CLASP1: variants seen among roughly 807,000 people sequenced by gnomAD.
The protein encoded by CLASP1 is CLIP-associating protein 1.
In CLASP1, 38 loss-of-function variants were observed where a neutral mutation model predicts 192.3. That is an observed-to-expected ratio of 0.20 (90% confidence interval 0.15 to 0.26). CLASP1 has a LOEUF of 0.26. Ranked by LOEUF, CLASP1 falls within the 10% of genes least tolerant of loss-of-function variation. The probability of loss-of-function intolerance (pLI) is 1.00; values close to 1 mark genes in which losing one functional copy is unlikely to be tolerated. For missense variants in CLASP1, 1,433 were observed against 1,932.5 expected (o/e 0.74, Z 4.85); for synonymous variants, 691 against 712.8 (o/e 0.97, Z 0.49).
chr2:121,547,546 A>C (rs1462496823), intron 2 of CLASP1, among the ~76,000 whole-genome samples: 2 of 151,824 alleles, frequency 1.3e-5, no homozygotes, highest in Non-Finnish European at 2.9e-5. Context: ...CACAACCACT[A>C]CTAAGGTCCC....
At position 121,394,829 on chromosome 2, in the gene CLASP1, G is replaced by A. The variant is rs1051297148; in HGVS notation, c.3123+2311C>T. On this transcript the variant is annotated intron_variant, in intron 30 of 39. Transcript: ENST00000263710. Reference sequence around the variant, plus strand: ...CGGGAGGCGGAGGTTGCAGTGAGCCGAGATCGCGCCACTGCACTCCAGCCT... The same window carrying A: ...CGGGAGGCGGAGGTTGCAGTGAGCCAAGATCGCGCCACTGCACTCCAGCCT... Among the ~76,000 whole-genome samples, 5 of 152,176 alleles carry A rather than the reference G, an allele frequency of 3.3e-5. No homozygotes were observed. The South Asian group carries it at 8.3e-4, about 25-fold the overall frequency.
intron 9 of CLASP1, among the ~76,000 whole-genome samples, chr2:121,463,790 G>A (rs1289909459): frequency 6.6e-6 from 1 of 152,036 alleles, no homozygotes. Flanking sequence ...TTCTGGAAGG[G>A]GTATGGACGC....
Position 121,401,943 on chromosome 2 carries a change from C to T in CLASP1, c.2734-73G>A. ...CATGTTAGTTGGCAGTGAATTAATACCATTTTCATGCGTTTTTTTAAGAAA... is the reference window on the plus strand; with the variant it reads ...CATGTTAGTTGGCAGTGAATTAATATCATTTTCATGCGTTTTTTTAAGAAA... On this transcript the variant is annotated intron_variant, in intron 26 of 39. Coordinates refer to ENST00000263710, the Ensembl canonical transcript of CLASP1. 5.0e-6 allele frequency: 3 copies of T among 595,682 alleles called. No homozygotes were observed. In the Admixed American group the frequency reaches 5.9e-5, roughly 12 times the overall value. 36.9% of individuals were successfully genotyped at this position (595,682 alleles called of 1,614,324 possible).
chr2:121,633,258 C>T (rs1263618949), intron 1 of CLASP1, among the ~76,000 whole-genome samples: 1 of 151,990 alleles, frequency 6.6e-6, no homozygotes, highest in Non-Finnish European at 1.5e-5. Flanking sequence ...CTATAATATA[C>T]TTACATTCAC....
chr2:121,483,315 T>C (rs546972573), intron 8 of CLASP1, among the ~76,000 whole-genome samples: 1 of 152,194 alleles, frequency 6.6e-6, no homozygotes, highest in African/African-American at 2.4e-5. Context: ...ACATCTACAA[T>C]AGCTCAGTAA....
chr2:121,599,628 TC>T (rs2063564791), intron 2 of CLASP1, among the ~76,000 whole-genome samples: 1 of 130,474 alleles, frequency 7.7e-6, no homozygotes, highest in Admixed American at 8.3e-5. Flanking sequence ...GAAGCCAAGG[TC>T]CCAAGGTCAG....
intron 2 of CLASP1, among the ~76,000 whole-genome samples, chr2:121,546,150 G>C (rs1170824885): frequency 6.6e-6 from 1 of 152,084 alleles, no homozygotes; most frequent in Non-Finnish European, 1.5e-5. Flanking sequence ...TTAGCCATGA[G>C]ACTACCTCTC....
At chr2:121,607,774 A>C (rs1228304301) in intron 1 of CLASP1, among the ~76,000 whole-genome samples, 1 of 152,190 alleles carries the variant, frequency 6.6e-6, no homozygotes, top group East Asian at 1.9e-4. Flanking sequence ...TAAAATTCTC[A>C]GTAGAGTAAC....
At chr2:121,489,329 C>A (rs1157417008) in intron 8 of CLASP1, among the ~76,000 whole-genome samples, 1 of 152,158 alleles carries the variant, frequency 6.6e-6, no homozygotes, top group Non-Finnish European at 1.5e-5. Context: ...GTACTTTCAG[C>A]CCAACTTAAC....
At chr2:121,529,322 C>T (rs1333592392) in intron 3 of CLASP1, among the ~76,000 whole-genome samples, 1 of 152,196 alleles carries the variant, frequency 6.6e-6, no homozygotes, top group African/African-American at 2.4e-5. Context: ...GACCAGAGAT[C>T]AGCTTATTTT....
chr2:121,455,302 A>G (rs1248802708), intron 14 of CLASP1, among the ~76,000 whole-genome samples: 2 of 152,214 alleles, frequency 1.3e-5, no homozygotes, highest in South Asian at 2.1e-4. Context: ...ACTACTAGGT[A>G]TATATCCCCA....
chr2:121,418,628 G>A (rs762320678), exon 23 of CLASP1: 5 of 1,612,740 alleles, frequency 3.1e-6, no homozygotes, highest in Non-Finnish European at 4.2e-6. Flanking sequence ...TCACCAAGTG[G>A]AGGAAAGCCC....
intron 26 of CLASP1, chr2:121,402,651 C>G (rs759329749): frequency 1.9e-6 from 1 of 519,018 alleles, no homozygotes; most frequent in African/African-American, 1.9e-5. Context: ...CATTCTGCTT[C>G]TGAATCAGCA....
intron 1 of CLASP1, among the ~76,000 whole-genome samples, chr2:121,632,218 T>C (rs1314194009): frequency 6.6e-6 from 1 of 152,150 alleles, no homozygotes; most frequent in East Asian, 1.9e-4. Context: ...TACTCTAGCC[T>C]GGGCGACAGA....
At chr2:121,560,341 T>C (rs1404774037) in intron 2 of CLASP1, among the ~76,000 whole-genome samples, 1 of 152,226 alleles carries the variant, frequency 6.6e-6, no homozygotes, top group Non-Finnish European at 1.5e-5. Flanking sequence ...AAAACTTACA[T>C]GCAATGTTTG....
intron 19 of CLASP1, among the ~76,000 whole-genome samples, chr2:121,431,318 C>T (rs1360762160): frequency 6.6e-6 from 1 of 151,856 alleles, no homozygotes; most frequent in African/African-American, 2.4e-5. Flanking sequence ...AAAGCTATAC[C>T]ATTTACTAAC....
chr2:121,403,850 T>C, intron 26 of CLASP1: 1 of 456,690 alleles, frequency 2.2e-6, no homozygotes. Flanking sequence ...ACCAGCTAAG[T>C]GATCCCCGTT....
intron 16 of CLASP1, 33 bp downstream of exon 16, chr2:121,450,880 T>C: frequency 1.4e-6 from 2 of 1,421,866 alleles, no homozygotes; most frequent in Non-Finnish European, 2.0e-6. Flanking sequence ...TAGAAGAAGT[T>C]AATTTAAAAA....
chr2:121,353,197 G>A (rs533064915), intron 37 of CLASP1, among the ~76,000 whole-genome samples: 94 of 152,254 alleles, frequency 6.2e-4, no homozygotes, highest in African/African-American at 2.0e-3. Context: ...GGTGTTGGTG[G>A]AGGAATGACA....
Sources: gnomAD v4.1 joint callset for allele counts (sites outside exome capture counted in the v4.1 genomes callset) on GRCh38, gnomAD v4.1.1 for gene constraint, MANE v1.5 for transcripts, NCBI Gene and HGNC (gene_info 2026-07-23, HGNC 2026-07-21) for gene names.